Variants in DCC observed in about 807,000 individuals in gnomAD.
The protein encoded by DCC is DCC netrin 1 receptor, also known as netrin receptor DCC.
Under a neutral mutation model 172.5 loss-of-function variants are expected in DCC, and 58 were observed. The observed-to-expected ratio is 0.34, with a 90% CI of 0.27 to 0.42. DCC has a LOEUF of 0.42. DCC is among the 10% of genes least tolerant of loss of function. The probability of loss-of-function intolerance (pLI) is 1.00; values close to 1 mark genes in which losing one functional copy is unlikely to be tolerated. For synonymous variants in DCC, 709 were observed against 644.5 expected, an observed-to-expected ratio of 1.10 and a Z score of -1.52; for missense variants, 1,740 against 1,791.0, an observed-to-expected ratio of 0.97 and a Z score of 0.51.
At chr18:52,810,085 AAAAAT>A (rs1434057146) in intron 2 of DCC, among the ~76,000 whole-genome samples, 2 of 151,944 alleles carry the variant, frequency 1.3e-5, no homozygotes, top group African/African-American at 4.9e-5. Flanking sequence ...AACCAAAAAA[AAAAAT>A]ATATTCTCAA....
intron 2 of DCC, among the ~76,000 whole-genome samples, chr18:52,902,668 G>A (rs1031084530): frequency 1.3e-5 from 2 of 152,104 alleles, no homozygotes; most frequent in African/African-American, 4.8e-5. Flanking sequence ...TAAGTTGATA[G>A]TCTATAATTT....
chr18:52,797,901 G>A (rs774482607), intron 2 of DCC, among the ~76,000 whole-genome samples: 2 of 152,216 alleles, frequency 1.3e-5, no homozygotes, highest in Admixed American at 6.5e-5. Context: ...TAAAACACAT[G>A]TGGGCAATAG....
At chr18:53,149,107 C>T (rs1207708049) in intron 7 of DCC, among the ~76,000 whole-genome samples, 7 of 151,854 alleles carry the variant, frequency 4.6e-5, no homozygotes, top group African/African-American at 1.5e-4. Flanking sequence ...GTGATCCACC[C>T]GCCTCGGCCT....
intron 12 of DCC, among the ~76,000 whole-genome samples, chr18:53,234,749 A>T (rs2056177007): frequency 6.6e-6 from 1 of 152,210 alleles, no homozygotes; most frequent in African/African-American, 2.4e-5. Context: ...ATTATATCAA[A>T]AGAAAACACT....
At chr18:53,457,447 T>C (rs1197080064) in intron 23 of DCC, among the ~76,000 whole-genome samples, 1 of 152,226 alleles carries the variant, frequency 6.6e-6, no homozygotes, top group Admixed American at 6.5e-5. Context: ...ATAAGGAGTT[T>C]GGCTATGTTT....
In DCC at chr18:52,900,900, T is replaced by C. The variant is rs1168992608; in HGVS notation, c.413-5144T>C. Among the ~76,000 whole-genome samples the C allele has an allele frequency of 2.6e-5, 4 of 152,172 alleles. No homozygotes were observed. The East Asian group carries it at 5.8e-4, about 22-fold the overall frequency. The stretch of plus-strand genomic sequence containing the variant: ...AGCCCTGCAAAATCACCAAAAATTG[T>C]TTGTCTGCTATTTTTAATAGTTAAG... On this transcript the variant is annotated intron_variant, in intron 2 of 28. Coordinates refer to ENST00000442544, the MANE Select transcript of DCC (RefSeq NM_005215.4).
chr18:52,970,027 T>TA (rs1247356065), intron 5 of DCC, among the ~76,000 whole-genome samples: 4 of 152,224 alleles, frequency 2.6e-5, no homozygotes, highest in Admixed American at 1.3e-4. Context: ...ACATAATATT[T>TA]AAAAAATTAC....
intron 1 of DCC, among the ~76,000 whole-genome samples, chr18:52,698,710 T>C (rs1294772811): frequency 6.6e-6 from 1 of 151,254 alleles, no homozygotes; most frequent in Admixed American, 6.6e-5. Flanking sequence ...GCAATTCTCC[T>C]GCCTCAGCCT....
At chr18:52,758,662 A>C (rs9958948) in intron 2 of DCC, 1 of 145,984 alleles carries the variant, frequency 6.9e-6, no homozygotes, top group Non-Finnish European at 1.5e-5. Context: ...GTTCTTACTT[A>C]AAAGAACCTG....
In DCC at chr18:53,446,124, A is replaced by AAAAAAAAAAAAAAAAAAAAAC. The variant is rs369426007; in HGVS notation, c.3230-4376_3230-4375insAAAAAAAAAAAAAAAAAAAAC. On this transcript the variant is annotated intron_variant, in intron 22 of 28. Coordinates refer to ENST00000442544, the MANE Select transcript of DCC (RefSeq NM_005215.4). Reference sequence around the variant, plus strand: ...AAAAAAAAAAAAAAAACAAAAAAAAACACTTAAAAATTTTCCAGGGATGGT... The same window carrying AAAAAAAAAAAAAAAAAAAAAC: ...AAAAAAAAAAAAAAAACAAAAAAAAAAAAAAAAAAAAAAAAAAAAACCACTTAAAAATTTTCCAGGGATGGT... Among the ~76,000 whole-genome samples, 38 of 117,286 alleles carry AAAAAAAAAAAAAAAAAAAAAC rather than the reference A, an allele frequency of 3.2e-4. 7 individuals carry two copies. Among genetic ancestry groups the AAAAAAAAAAAAAAAAAAAAAC allele is most frequent in the Non-Finnish European group, 5.1e-4 (28 of 54,390 alleles). 76.9% of individuals were successfully genotyped at this position (117,286 alleles called of 152,430 possible). A position where few individuals can be genotyped will look rare whatever the true frequency, so the allele number is the denominator to read the frequency against.
intron 7 of DCC, among the ~76,000 whole-genome samples, chr18:53,123,395 G>C (rs1179138765): frequency 6.6e-6 from 1 of 151,950 alleles, no homozygotes; most frequent in East Asian, 1.9e-4. Context: ...ATGGGTTTTG[G>C]GGCTAGATCA....
rs1987217094 is a variant in DCC at position 52,420,663 on chromosome 18, T to C, written c.91+79785T>C. Among the ~76,000 whole-genome samples, 3 of 151,910 alleles carry C rather than the reference T, an allele frequency of 2.0e-5. No homozygotes were observed. In the South Asian group the frequency reaches 6.2e-4, roughly 32 times the overall value. On this transcript the variant is annotated intron_variant, in intron 1 of 28. Transcript: ENST00000442544. The stretch of plus-strand genomic sequence containing the variant: ...TGGGGCCAGATAGTAACAATAGTAA[T>C]TGAGGAGAAATAAAGATAAATTTGA...
chr18:52,611,116 C>T (rs2034268405), intron 1 of DCC, among the ~76,000 whole-genome samples: 1 of 152,062 alleles, frequency 6.6e-6, no homozygotes, highest in Non-Finnish European at 1.5e-5. Flanking sequence ...TTTTCTCCAC[C>T]TATAAACCTT....
intron 1 of DCC, among the ~76,000 whole-genome samples, chr18:52,356,030 A>T (rs145694805): frequency 6.6e-6 from 1 of 152,340 alleles, no homozygotes; most frequent in East Asian, 1.9e-4. Context: ...TCTCATCACT[A>T]GCAATGACTT....
At chr18:52,620,194 A>G (rs573192941) in intron 1 of DCC, among the ~76,000 whole-genome samples, 2 of 152,210 alleles carry the variant, frequency 1.3e-5, no homozygotes, top group Non-Finnish European at 2.9e-5. Flanking sequence ...ATGACTTTGG[A>G]CAAAATTTTT....
chr18:52,596,099 C>CACTT (rs2033905092), intron 1 of DCC, among the ~76,000 whole-genome samples: 1 of 152,174 alleles, frequency 6.6e-6, no homozygotes, highest in Non-Finnish European at 1.5e-5. Context: ...GATTACTCAG[C>CACTT]ACTTACAATC....
chr18:52,947,052 C>T (rs1019219918), intron 5 of DCC, among the ~76,000 whole-genome samples: 4 of 152,124 alleles, frequency 2.6e-5, no homozygotes, highest in Non-Finnish European at 2.9e-5. Context: ...TCGATCCCAT[C>T]TAAAACACTC....
At chr18:53,448,763 G>C (rs146866772) in intron 22 of DCC, among the ~76,000 whole-genome samples, 2 of 152,282 alleles carry the variant, frequency 1.3e-5, no homozygotes, top group African/African-American at 4.8e-5. Flanking sequence ...TGAGGCAAGA[G>C]AATCGCTTGA....
intron 3 of DCC, among the ~76,000 whole-genome samples, chr18:52,909,300 A>G (rs1007085534): frequency 1.1e-4 from 16 of 152,194 alleles, no homozygotes; most frequent in African/African-American, 3.1e-4. Context: ...TATTATTGGC[A>G]TGACTTAGGA....
Sources: allele counts gnomAD v4.1 joint callset (sites outside exome capture counted in the v4.1 genomes callset), GRCh38; gene constraint gnomAD v4.1.1; transcripts MANE v1.5; gene names NCBI Gene and HGNC (gene_info 2026-07-23, HGNC 2026-07-21).